Variants in PCDH15 observed in about 807,000 individuals in gnomAD.
PCDH15 encodes the protein protocadherin related 15.
In PCDH15, 129 loss-of-function variants were observed where a neutral mutation model predicts 178.5. The observed-to-expected ratio is 0.72, with a 90% CI of 0.63 to 0.84. The LOEUF is 0.84. Among genes scored for constraint, PCDH15 ranks in the 40% least tolerant of loss-of-function variants. The pLI is 0.00. For missense variants in PCDH15, 2,230 were observed against 2,099.9 expected, an observed-to-expected ratio of 1.06 and a Z score of -1.21; for synonymous variants, 800 against 732.0, an observed-to-expected ratio of 1.09 and a Z score of -1.50.
chr10:54,217,761 A>T (rs1215257746), intron 9 of PCDH15, among the ~76,000 whole-genome samples: 1 of 152,228 alleles, frequency 6.6e-6, no homozygotes, highest in Non-Finnish European at 1.5e-5. Flanking sequence ...ATTTACCAAT[A>T]AAAGCACTTA....
chr10:54,109,606 T>C (rs929084711), intron 15 of PCDH15, among the ~76,000 whole-genome samples: 3 of 152,212 alleles, frequency 2.0e-5, no homozygotes, highest in African/African-American at 4.8e-5. Flanking sequence ...AAACTTTGCA[T>C]GATCTCATTT....
intron 2 of PCDH15, among the ~76,000 whole-genome samples, chr10:54,532,899 G>C (rs2084078362): frequency 6.6e-6 from 1 of 152,044 alleles, no homozygotes; most frequent in African/African-American, 2.4e-5. Context: ...TAGGTTCATT[G>C]GCATGGCTAC....
chr10:54,245,883 C>T (rs759861520), intron 8 of PCDH15, among the ~76,000 whole-genome samples: 1 of 151,830 alleles, frequency 6.6e-6, no homozygotes, highest in Non-Finnish European at 1.5e-5. Flanking sequence ...GTACAATATA[C>T]AATTTGCTTT....
At chr10:54,784,731 A>T (rs1160488563) in intron 1 of PCDH15, among the ~76,000 whole-genome samples, 3 of 151,904 alleles carry the variant, frequency 2.0e-5, no homozygotes, top group African/African-American at 7.3e-5. Flanking sequence ...AGAAGGCAAA[A>T]ATAAATACTG....
rs1347062305 is a variant in PCDH15, at chr10:55,115,213, G to C, written c.-80+51363C>G. On this transcript the variant is annotated intron_variant, in intron 2 of 5. Transcript: ENST00000458638. ...TTTCAAAACTGCCTTGCTTTTTTCAGTGAATTTGAAAGTGGCTGCGTCTAA... is the reference window on the plus strand; with the variant it reads ...TTTCAAAACTGCCTTGCTTTTTTCACTGAATTTGAAAGTGGCTGCGTCTAA... 2.0e-5 allele frequency among the ~76,000 whole-genome samples: 3 copies of C among 152,038 alleles called. No homozygotes were observed. In the East Asian group the frequency reaches 5.8e-4, roughly 29 times the overall value.
intron 2 of PCDH15, among the ~76,000 whole-genome samples, chr10:55,490,759 T>C (rs774870542): frequency 5.1e-4 from 78 of 151,842 alleles, no homozygotes; most frequent in Non-Finnish European, 2.4e-4. Flanking sequence ...AATTACCACA[T>C]TTAATAGAAA....
intron 1 of PCDH15, among the ~76,000 whole-genome samples, chr10:55,207,711 G>A (rs557192789): frequency 7.2e-5 from 11 of 152,182 alleles, no homozygotes; most frequent in African/African-American, 2.2e-4. Flanking sequence ...GCTTACGCCT[G>A]TAGTCCCAGC....
chr10:55,280,537 C>G (rs528915859), intron 1 of PCDH15, among the ~76,000 whole-genome samples: 60 of 150,716 alleles, frequency 4.0e-4, no homozygotes, highest in African/African-American at 1.5e-3. Flanking sequence ...GATCCACCCC[C>G]CTCGGCCTCC....
intron 15 of PCDH15, among the ~76,000 whole-genome samples, chr10:54,120,599 A>G (rs2095199765): frequency 6.6e-6 from 1 of 152,176 alleles, no homozygotes; most frequent in Non-Finnish European, 1.5e-5. Flanking sequence ...AAGATCTACT[A>G]TGCAAACAGA....
chr10:55,563,267 TG>T (rs1342049794), intron 2 of PCDH15, among the ~76,000 whole-genome samples: 1 of 151,908 alleles, frequency 6.6e-6, no homozygotes, highest in Non-Finnish European at 1.5e-5. Context: ...TTTAAAAGGC[TG>T]TTTGTCCCCC....
In PCDH15 at chr10:54,490,411, C is replaced by CTG. The variant is rs1400617756; in HGVS notation, c.157+37399_157+37400dup. Among the ~76,000 whole-genome samples the CTG allele has an allele frequency of 5.3e-5, 8 of 151,882 alleles. No individual in the cohort carries two copies. In the East Asian group the frequency reaches 1.4e-3, roughly 26 times the overall value. Reference sequence around the variant, plus strand: ...CTTGCAGTGAGCTGAGATCACGCCACTGCACTCCAGCCTGGGTGACAGAGC... The same window carrying CTG: ...CTTGCAGTGAGCTGAGATCACGCCACTGTGCACTCCAGCCTGGGTGACAGAGC... On this transcript the variant is annotated intron_variant, in intron 3 of 37. Transcript: ENST00000644397.
intron 25 of PCDH15, among the ~76,000 whole-genome samples, chr10:53,909,335 G>A (rs1039659567): frequency 6.6e-6 from 1 of 152,080 alleles, no homozygotes; most frequent in African/African-American, 2.4e-5. Context: ...AAATTACCCA[G>A]TCTCGGTTAT....
At chr10:55,189,705 G>A (rs1321444636) in intron 1 of PCDH15, among the ~76,000 whole-genome samples, 1 of 151,214 alleles carries the variant, frequency 6.6e-6, no homozygotes, top group Non-Finnish European at 1.5e-5. Flanking sequence ...TTCTTTTTTT[G>A]CAATAAAGGA....
chr10:55,063,140 C>A (rs1333042842), intron 2 of PCDH15, among the ~76,000 whole-genome samples: 3 of 152,108 alleles, frequency 2.0e-5, no homozygotes, highest in Admixed American at 1.3e-4. Flanking sequence ...AAAATCCATA[C>A]TTTTAATCTC....
chr10:54,069,887 T>C (rs1380656091), intron 17 of PCDH15, among the ~76,000 whole-genome samples: 1 of 152,140 alleles, frequency 6.6e-6, no homozygotes, highest in Non-Finnish European at 1.5e-5. Context: ...TTAACACATG[T>C]TCACAATTAA....
chr10:54,786,337 T>C (rs1344912969), intron 1 of PCDH15, among the ~76,000 whole-genome samples: 1 of 152,062 alleles, frequency 6.6e-6, no homozygotes, highest in African/African-American at 2.4e-5. Context: ...TACTTCACTC[T>C]ATTCCACCAG....
At chr10:54,088,228 T>C (rs1444117420) in intron 16 of PCDH15, among the ~76,000 whole-genome samples, 1 of 152,178 alleles carries the variant, frequency 6.6e-6, no homozygotes. Flanking sequence ...TTGCCTTTCT[T>C]TATCACTACA....
chr10:53,827,149 A>G (rs2076733226), intron 32 of PCDH15, among the ~76,000 whole-genome samples: 1 of 152,196 alleles, frequency 6.6e-6, no homozygotes, highest in East Asian at 1.9e-4. Context: ...TAAATGTGCA[A>G]TTGTCTCCTG....
At chr10:54,606,226 G>A (rs1002465172) in intron 2 of PCDH15, 1 of 152,086 alleles carries the variant, frequency 6.6e-6, no homozygotes. Context: ...GAGGAGATAT[G>A]GGAAGAACCC....
Sources: gnomAD v4.1 joint callset for allele counts (sites outside exome capture counted in the v4.1 genomes callset) on GRCh38, gnomAD v4.1.1 for gene constraint, MANE v1.5 for transcripts, NCBI Gene and HGNC (gene_info 2026-07-23, HGNC 2026-07-21) for gene names.